ADGRL3: variants seen among roughly 807,000 people sequenced by gnomAD.
ADGRL3 encodes calcium-independent alpha-latrotoxin receptor 3.
Under a neutral mutation model 153.5 loss-of-function variants are expected in ADGRL3, and 62 were observed. The observed-to-expected ratio is 0.40, with a 90% CI of 0.33 to 0.50. The LOEUF (loss-of-function observed/expected upper bound fraction) is 0.50, where lower values mean the gene tolerates loss of function less well. ADGRL3 is among the 20% of genes least tolerant of loss of function. ADGRL3 has a pLI of 0.47. For missense variants in ADGRL3, 1,641 were observed against 1,859.4 expected, an observed-to-expected ratio of 0.88 and a Z score of 2.16; for synonymous variants, 710 against 672.5, an observed-to-expected ratio of 1.06 and a Z score of -0.86.
rs192696428 is a variant in ADGRL3 at position 61,663,982 on chromosome 4, T to C, written c.474-12844T>C. On this transcript the variant is annotated intron_variant, in intron 5 of 26. Transcript: ENST00000683033. ...TAACACAGGTCAACTAACGCAGTTA[T>C]CATCTTAAGGCCTATAGCAACTGAA... 4.1e-4 allele frequency among the ~76,000 whole-genome samples: 62 copies of C among 152,320 alleles called. No individual in the cohort carries two copies. The Middle Eastern group carries it at 0.014, about 33-fold the overall frequency.
At chr4:61,476,964 GTAGT>G (rs1003859336) in intron 2 of ADGRL3, among the ~76,000 whole-genome samples, 3 of 151,430 alleles carry the variant, frequency 2.0e-5, no homozygotes, top group Non-Finnish European at 4.4e-5. Flanking sequence ...ATTTATTTAT[GTAGT>G]TAGTTATTTT....
intron 1 of ADGRL3, among the ~76,000 whole-genome samples, chr4:61,348,726 A>G (rs1004586766): frequency 6.6e-6 from 1 of 152,076 alleles, no homozygotes; most frequent in Non-Finnish European, 1.5e-5. Flanking sequence ...TTAGTAAATC[A>G]TGACTATACC....
intron 1 of ADGRL3, among the ~76,000 whole-genome samples, chr4:61,356,731 C>CA (rs1251960915): frequency 6.6e-6 from 1 of 151,970 alleles, no homozygotes; most frequent in Non-Finnish European, 1.5e-5. Context: ...TTATCATAAA[C>CA]AAAATGGCTT....
intron 5 of ADGRL3, among the ~76,000 whole-genome samples, chr4:61,599,780 C>G (rs375332860): frequency 6.6e-6 from 1 of 152,118 alleles, no homozygotes; most frequent in Non-Finnish European, 1.5e-5. Context: ...GACAAGAGAA[C>G]AGGAGAAGGT....
chr4:61,686,905 T>G (rs1158147969), intron 6 of ADGRL3, among the ~76,000 whole-genome samples: 1 of 152,108 alleles, frequency 6.6e-6, no homozygotes, highest in East Asian at 1.9e-4. Context: ...GATATTCTTC[T>G]GTCTCTGGCT....
intron 4 of ADGRL3, among the ~76,000 whole-genome samples, chr4:61,532,619 C>T (rs1404852276): frequency 2.0e-5 from 3 of 148,880 alleles, no homozygotes; most frequent in Non-Finnish European, 4.5e-5. Context: ...GTAAATCCAG[C>T]TGTTTGGTCA....
Position 62,031,487 on chromosome 4 carries a change from G to A in ADGRL3, c.3468G>A (p.Leu1156=). The change falls in exon 23 of 27, where the codon TTG becomes TTA. Residue 1156 remains leucine, a synonymous_variant. Transcript: ENST00000683033. ...GAIALLCLLG[L]TWAFGLMYIN... is the part of the protein sequence containing the mutation. ...TAGCTCTTCTCTGCCTATTAGGATT[G>A]ACCTGGGCCTTTGGACTCATGTATA... 6.2e-7 allele frequency: 1 copy of A among 1,610,814 alleles called. No individual in the cohort carries two copies. Among genetic ancestry groups the A allele is most frequent in the South Asian group, 1.1e-5 (1 of 90,940 alleles).
chr4:61,677,249 A>C (rs1392808330), intron 6 of ADGRL3: 1 of 315,368 alleles, frequency 3.2e-6, no homozygotes, highest in Non-Finnish European at 6.1e-6. Flanking sequence ...CTCCAGGTCC[A>C]AGCAGATAAG....
chr4:61,282,985 T>A (rs577469302), intron 1 of ADGRL3, among the ~76,000 whole-genome samples: 41 of 152,198 alleles, frequency 2.7e-4, no homozygotes, highest in African/African-American at 9.1e-4. Flanking sequence ...CCTCTTAATA[T>A]GACATGTAGA....
chr4:61,710,497 T>C (rs553247577), intron 6 of ADGRL3, among the ~76,000 whole-genome samples: 11 of 152,280 alleles, frequency 7.2e-5, no homozygotes, highest in African/African-American at 2.6e-4. Context: ...GATCCACAGG[T>C]CCTTATGCCC....
intron 1 of ADGRL3, among the ~76,000 whole-genome samples, chr4:61,268,594 T>C (rs2092988187): frequency 6.6e-6 from 1 of 151,618 alleles, no homozygotes; most frequent in South Asian, 2.1e-4. Context: ...TAACATCTAG[T>C]TGCTAGCATA....
chr4:61,481,759 GGCCA>G (rs762641863), intron 2 of ADGRL3, among the ~76,000 whole-genome samples: 17 of 151,394 alleles, frequency 1.1e-4, no homozygotes, highest in Non-Finnish European at 1.9e-4. Flanking sequence ...GTTTTCACAA[GGCCA>G]CTATTTTATC....
chr4:61,410,694 A>G (rs2097076077), intron 2 of ADGRL3, among the ~76,000 whole-genome samples: 1 of 152,162 alleles, frequency 6.6e-6, no homozygotes, highest in African/African-American at 2.4e-5. Context: ...CATACTCAGT[A>G]TATCCTGGAT....
chr4:61,502,634 A>G (rs911262304), intron 3 of ADGRL3, among the ~76,000 whole-genome samples: 6 of 152,174 alleles, frequency 3.9e-5, no homozygotes, highest in Non-Finnish European at 7.4e-5. Flanking sequence ...GATCAGATGC[A>G]TATTTGTTTT....
intron 9 of ADGRL3, among the ~76,000 whole-genome samples, chr4:61,857,006 T>TGCC (rs2098280289): frequency 3.9e-4 from 44 of 112,724 alleles, no homozygotes; most frequent in African/African-American, 1.5e-3. Context: ...CTTTCTTTCT[T>TGCC]TCTTTCTTTC....
rs530741831 is a variant in ADGRL3 at position 61,372,583 on chromosome 4, C to G, written c.-239-10541C>G. On this transcript the variant is annotated intron_variant, in intron 1 of 26. Coordinates refer to ENST00000683033, the MANE Select transcript of ADGRL3 (RefSeq NM_001387552.1). Reference sequence around the variant, plus strand: ...GATCCACTTGAGGAGGCAGTCTGCCCGTTCTCAGATCTCCAGCTGCGTGCT... The same window carrying G: ...GATCCACTTGAGGAGGCAGTCTGCCGGTTCTCAGATCTCCAGCTGCGTGCT... Among the ~76,000 whole-genome samples the G allele has an allele frequency of 9.2e-5, 14 of 152,270 alleles. No homozygotes were observed. In the East Asian group the frequency reaches 1.6e-3, roughly 17 times the overall value.
chr4:61,929,999 C>A (rs2098810942), intron 13 of ADGRL3, among the ~76,000 whole-genome samples: 1 of 151,950 alleles, frequency 6.6e-6, no homozygotes, highest in African/African-American at 2.4e-5. Context: ...CACGGTGAAA[C>A]CCTGTCTGTA....
intron 13 of ADGRL3, 107 bp downstream of exon 13, chr4:61,912,864 G>A (rs2098728145): frequency 9.8e-7 from 1 of 1,017,940 alleles, no homozygotes; most frequent in Non-Finnish European, 1.5e-6. Flanking sequence ...CTGAAATAAA[G>A]GAATTTCATG....
intron 5 of ADGRL3, among the ~76,000 whole-genome samples, chr4:61,664,170 T>C (rs2094703779): frequency 6.6e-6 from 1 of 152,172 alleles, no homozygotes. Context: ...CAAAGAGATA[T>C]GTAGTAAATA....
Sources: gnomAD v4.1 joint callset for allele counts (sites outside exome capture counted in the v4.1 genomes callset) on GRCh38, gnomAD v4.1.1 for gene constraint, MANE v1.5 for transcripts, NCBI Gene and HGNC (gene_info 2026-07-23, HGNC 2026-07-21) for gene names.